The following UTRN variants were observed in gnomAD, a reference collection of about 807,000 sequenced individuals.
UTRN encodes dystrophin-related protein 1.
UTRN carries 283 observed loss-of-function variants against 463.9 expected under a neutral mutation model. The observed-to-expected ratio is 0.61, with a 90% CI of 0.55 to 0.67. The LOEUF is 0.67. Ranked by LOEUF, UTRN falls within the 30% of genes least tolerant of loss-of-function variation. The pLI is 0.00. For missense variants in UTRN, 3,922 were observed against 4,084.3 expected (o/e 0.96, Z 1.08); for synonymous variants, 1,442 against 1,431.5 (o/e 1.01, Z -0.17).
In UTRN at chr6:144,797,968, G is replaced by C. The variant is rs201039970; in HGVS notation, c.9223G>C (p.Glu3075Gln). ...TCAGGCCAAATGCAACATCTGTAAAGAATGTCCAATTGTCGGGTTCAGGTA... is the reference window on the plus strand; with the variant it reads ...TCAGGCCAAATGCAACATCTGTAAACAATGTCCAATTGTCGGGTTCAGGTA... ...KHQAKCNICK[E>Q]CPIVGFRYRS... Residue 3075 changes from glutamate (E) to glutamine (Q), a missense_variant, in exon 64 of 75, where the codon GAA becomes CAA. Glu to Gln is a conservative substitution (Grantham distance 29). Around this residue, in one of 3 missense-constraint regions of UTRN, gnomAD observed 1,309 missense variants for 1,452.6 expected, o/e 0.90. Coordinates refer to ENST00000367545, the MANE Select transcript of UTRN (RefSeq NM_007124.3). 9 of 1,614,142 alleles carry C rather than the reference G, an allele frequency of 5.6e-6. No individual in the cohort carries two copies. In the East Asian group the frequency reaches 2.0e-4, roughly 36 times the overall value.
chr6:144,840,332 C>T (rs1466491897), intron 72 of UTRN, among the ~76,000 whole-genome samples: 4 of 151,888 alleles, frequency 2.6e-5, no homozygotes, highest in Non-Finnish European at 4.4e-5. Flanking sequence ...ATAAGCTGGC[C>T]TAAGCTGAAG....
chr6:144,487,796 A>C (rs903120143), intron 29 of UTRN, 99 bp downstream of exon 29: 3 of 1,246,154 alleles, frequency 2.4e-6, no homozygotes, highest in Non-Finnish European at 3.2e-6. Flanking sequence ...AAAAATCTTT[A>C]ATGTTGGTTA....
Position 144,768,964 on chromosome 6 carries a change from T to TG in UTRN, c.8496-2943_8496-2942insG, listed in dbSNP as rs1243774974. The stretch of plus-strand genomic sequence containing the variant: ...TTGTTTTTTGTTTTGTTTTGTTTTT[T>TG]TTTTTTTAATTTTATTCTTGGATAG... On this transcript the variant is annotated intron_variant, in intron 58 of 74. Transcript: ENST00000367545. Among the ~76,000 whole-genome samples, 154 of 148,236 alleles carry TG rather than the reference T, an allele frequency of 1.0e-3. 1 individual carries two copies. In the East Asian group the frequency reaches 0.02, roughly 19 times the overall value.
intron 51 of UTRN, chr6:144,659,978 ACAGAAGCAGGTCTATTC>A (rs920703736): frequency 6.7e-6 from 2 of 296,416 alleles, no homozygotes; most frequent in African/African-American, 4.3e-5. Context: ...ACCAGGAAAT[ACAGAAGCAGGTCTATTC>A]CTTGCGAACT....
At chr6:144,809,249 T>A (rs147422848) in intron 65 of UTRN, among the ~76,000 whole-genome samples, 1 of 152,222 alleles carries the variant, frequency 6.6e-6, no homozygotes, top group African/African-American at 2.4e-5. Context: ...GCTACTAGGG[T>A]CAATCTTGAG....
intron 33 of UTRN, among the ~76,000 whole-genome samples, chr6:144,495,297 G>A (rs1429003177): frequency 1.3e-5 from 2 of 152,246 alleles, no homozygotes; most frequent in African/African-American, 4.8e-5. Flanking sequence ...CTGCCCCGCA[G>A]GAAGGCAGCT....
chr6:144,767,550 C>T (rs1793494994), intron 58 of UTRN, among the ~76,000 whole-genome samples: 1 of 152,070 alleles, frequency 6.6e-6, no homozygotes, highest in African/African-American at 2.4e-5. Flanking sequence ...GCACTCTCTG[C>T]CCTAGTTTTT....
chr6:144,490,439 T>C (rs924453926), intron 31 of UTRN, among the ~76,000 whole-genome samples: 1 of 152,206 alleles, frequency 6.6e-6, no homozygotes, highest in Non-Finnish European at 1.5e-5. Flanking sequence ...GAGCCAGATT[T>C]AGAAGTTAGC....
At chr6:144,644,550 A>G (rs1778096077) in intron 51 of UTRN, among the ~76,000 whole-genome samples, 1 of 152,194 alleles carries the variant, frequency 6.6e-6, no homozygotes, top group Non-Finnish European at 1.5e-5. Context: ...ATATGGAATT[A>G]TATATTTGGC....
chr6:144,689,228 G>A (rs1783069739), intron 52 of UTRN, among the ~76,000 whole-genome samples: 1 of 152,156 alleles, frequency 6.6e-6, no homozygotes, highest in African/African-American at 2.4e-5. Context: ...CTGTCTACAG[G>A]TGCACCCACG....
chr6:144,669,589 T>G (rs968041251), intron 51 of UTRN, among the ~76,000 whole-genome samples: 5 of 152,154 alleles, frequency 3.3e-5, no homozygotes, highest in Non-Finnish European at 7.4e-5. Flanking sequence ...TTTTATGGCT[T>G]TTTAAAATTG....
chr6:144,532,375 C>A (rs547665026), intron 42 of UTRN, among the ~76,000 whole-genome samples: 6 of 152,120 alleles, frequency 3.9e-5, no homozygotes, highest in African/African-American at 1.4e-4. Context: ...CCACAGGAAA[C>A]GTCCAGTCAT....
intron 18 of UTRN, 129 bp downstream of exon 18, chr6:144,451,622 T>A (rs890899977): frequency 9.2e-7 from 1 of 1,091,372 alleles, no homozygotes; most frequent in African/African-American, 1.6e-5. Context: ...AGGTAGCTTT[T>A]AGTACATTGT....
rs117694943 is a variant in UTRN, at chr6:144,457,920, G to A, written c.2285-850G>A. 8.4e-3 allele frequency among the ~76,000 whole-genome samples: 1,272 copies of A among 152,096 alleles called. 13 individuals carry two copies. The highest frequency in any genetic ancestry group is 0.014 in the South Asian group (69 of 4,820). On this transcript the variant is annotated intron_variant, in intron 19 of 74. Coordinates refer to ENST00000367545, the MANE Select transcript of UTRN (RefSeq NM_007124.3). The stretch of plus-strand genomic sequence containing the variant: ...CCTTTTGGTATGCATGTTTTCCTCC[G>A]AATAGAAAGATTCCTTTGAAGATTT...
At chr6:144,665,709 G>A (rs1224546021) in intron 51 of UTRN, among the ~76,000 whole-genome samples, 1 of 152,210 alleles carries the variant, frequency 6.6e-6, no homozygotes, top group Non-Finnish European at 1.5e-5. Flanking sequence ...GTGAGCTTTT[G>A]TAGCCATCTT....
intron 7 of UTRN, among the ~76,000 whole-genome samples, chr6:144,428,423 G>GT (rs11372852): frequency 0.25 from 34,972 of 138,430 alleles, 6,346 homozygotes; most frequent in African/African-American, 0.52. Context: ...TTTTTCTGTG[G>GT]TTTTTTTTTT....
At chr6:144,554,544 A>G (rs1799215034) in intron 48 of UTRN, 144 bp from the exon 49 acceptor site, 1 of 829,184 alleles carries the variant, frequency 1.2e-6, no homozygotes, top group Non-Finnish European at 1.8e-6. Context: ...GCAGATGTAT[A>G]TTAAAATTCC....
chr6:144,730,389 T>C lies in UTRN; in HGVS notation c.7842T>C (p.Tyr2614=), dbSNP rs778511100. Residue 2614 remains tyrosine (Y), a synonymous_variant, in exon 54 of 75, where the codon TAT becomes TAC. Coordinates refer to ENST00000367545, the MANE Select transcript of UTRN (RefSeq NM_007124.3). ...GACGGGAGTTAAAGGAGAAAGAATA[T>C]TCTGTCCTGAATGCTGTCGACCAGG... ...ALRRELKEKE[Y]SVLNAVDQAR... The C allele has an allele frequency of 1.2e-6, 2 of 1,610,906 alleles. No individual in the cohort carries two copies. The highest frequency in any genetic ancestry group is 3.4e-5 in the Admixed American group (2 of 59,674).
chr6:144,817,550 T>G (rs1267455728), intron 65 of UTRN, among the ~76,000 whole-genome samples: 1 of 152,078 alleles, frequency 6.6e-6, no homozygotes, highest in Non-Finnish European at 1.5e-5. Flanking sequence ...AAACCATTAC[T>G]TTAGCATTTT....
Sources: gnomAD v4.1 joint callset for allele counts (sites outside exome capture counted in the v4.1 genomes callset) on GRCh38, gnomAD v4.1.1 for gene constraint, gnomAD v4.1.1 regional missense constraint, MANE v1.5 for transcripts, NCBI Gene and HGNC (gene_info 2026-07-23, HGNC 2026-07-21) for gene names.